Variants in PHACTR3 observed in about 807,000 individuals in gnomAD.
The protein encoded by PHACTR3 is phosphatase and actin regulator 3, also known as protein phosphatase 1, regulatory subunit 123.
PHACTR3 carries 16 observed loss-of-function variants against 66.8 expected under a neutral mutation model. That is an observed-to-expected ratio of 0.24 (90% CI 0.16 to 0.36). The LOEUF is 0.36. PHACTR3 is among the 10% of genes least tolerant of loss of function. The probability of loss-of-function intolerance (pLI) is 1.00; values close to 1 mark genes in which losing one functional copy is unlikely to be tolerated. For missense variants in PHACTR3, 647 were observed against 719.9 expected (o/e 0.90, Z 1.16); for synonymous variants, 323 against 292.1 (o/e 1.11, Z -1.08).
intron 4 of PHACTR3, among the ~76,000 whole-genome samples, chr20:59,756,796 A>G (rs189668013): frequency 2.4e-4 from 36 of 152,012 alleles, no homozygotes; most frequent in African/African-American, 7.7e-4. Flanking sequence ...TACATTAGGT[A>G]TATCTCCTAA....
At chr20:59,648,414 G>T (rs1235017451) in intron 1 of PHACTR3, among the ~76,000 whole-genome samples, 8 of 152,218 alleles carry the variant, frequency 5.3e-5, no homozygotes, top group African/African-American at 1.4e-4. Flanking sequence ...CAAGGGGTAG[G>T]TCCCTTGAGG....
intron 1 of PHACTR3, among the ~76,000 whole-genome samples, chr20:59,653,169 C>A (rs2035511627): frequency 6.6e-6 from 1 of 151,546 alleles, no homozygotes; most frequent in South Asian, 2.1e-4. Flanking sequence ...AAGTTGGTAG[C>A]TTAACCCGAG....
At chr20:59,838,279 C>T (rs1223120117) in intron 9 of PHACTR3, among the ~76,000 whole-genome samples, 1 of 152,152 alleles carries the variant, frequency 6.6e-6, no homozygotes, top group Admixed American at 6.5e-5. Flanking sequence ...TAGTATGAAA[C>T]ATCATACTCA....
intron 1 of PHACTR3, among the ~76,000 whole-genome samples, chr20:59,638,488 G>A (rs776317712): frequency 1.1e-4 from 15 of 142,592 alleles, no homozygotes; most frequent in Non-Finnish European, 1.8e-4. Context: ...ATGGATGGAT[G>A]GATGGATAGA....
intron 8 of PHACTR3, among the ~76,000 whole-genome samples, chr20:59,832,123 G>A (rs79617782): frequency 0.095 from 14,432 of 152,134 alleles, 907 homozygotes; most frequent in Non-Finnish European, 0.14. Context: ...TGGTGTTGCC[G>A]GTGTTCCTCC....
intron 1 of PHACTR3, among the ~76,000 whole-genome samples, chr20:59,676,163 G>T (rs1238000483): frequency 6.6e-6 from 1 of 152,244 alleles, no homozygotes; most frequent in Non-Finnish European, 1.5e-5. Context: ...TAGGGAAGGA[G>T]AAGAGAGGGC....
At chr20:59,712,365 A>G (rs1462121815) in intron 1 of PHACTR3, among the ~76,000 whole-genome samples, 1 of 152,124 alleles carries the variant, frequency 6.6e-6, no homozygotes, top group Non-Finnish European at 1.5e-5. Context: ...ATGTAGATGC[A>G]CCCCATGATC....
At chr20:59,845,478 A>G (rs975152658) in intron 12 of PHACTR3, among the ~76,000 whole-genome samples, 15 of 152,148 alleles carry the variant, frequency 9.9e-5, no homozygotes, top group Non-Finnish European at 1.8e-4. Context: ...TATGGTAACA[A>G]TATCGGTTTA....
chr20:59,644,363 A>C (rs2146432599), intron 1 of PHACTR3, among the ~76,000 whole-genome samples: 1 of 152,358 alleles, frequency 6.6e-6, no homozygotes, highest in South Asian at 2.1e-4. Context: ...AACAGATATA[A>C]AAAGATATAA....
chr20:59,673,447 C>T (rs1357082274), intron 1 of PHACTR3, among the ~76,000 whole-genome samples: 2 of 152,240 alleles, frequency 1.3e-5, no homozygotes, highest in Non-Finnish European at 2.9e-5. Context: ...GTCTGCGGTT[C>T]GCCCCGCCCA....
chr20:59,609,183 G>A (rs1600906608), intron 1 of PHACTR3, among the ~76,000 whole-genome samples: 1 of 152,150 alleles, frequency 6.6e-6, no homozygotes, highest in Admixed American at 6.5e-5. Context: ...CCTGGAGAGG[G>A]AGACCCTCTC....
At chr20:59,647,298 G>C (rs989386980) in intron 1 of PHACTR3, among the ~76,000 whole-genome samples, 1 of 152,134 alleles carries the variant, frequency 6.6e-6, no homozygotes, top group Non-Finnish European at 1.5e-5. Flanking sequence ...CAGTAGGGGG[G>C]AACCACCCAC....
At chr20:59,709,689 A>G (rs994695653) in intron 1 of PHACTR3, among the ~76,000 whole-genome samples, 5 of 152,226 alleles carry the variant, frequency 3.3e-5, no homozygotes, top group African/African-American at 9.6e-5. Context: ...TGTCCTTAGT[A>G]TGTTTTAGGA....
chr20:59,621,892 C>A (rs2034253037), intron 1 of PHACTR3, among the ~76,000 whole-genome samples: 1 of 152,222 alleles, frequency 6.6e-6, no homozygotes, highest in African/African-American at 2.4e-5. Flanking sequence ...TTCCCAGAGA[C>A]AAGAGGCAGC....
intron 3 of PHACTR3, among the ~76,000 whole-genome samples, chr20:59,751,952 T>C (rs1260343507): frequency 6.6e-6 from 1 of 152,140 alleles, no homozygotes; most frequent in East Asian, 1.9e-4. Context: ...CTAGACACTG[T>C]TTATGTTCTG....
chr20:59,627,400 G>T (rs1056249482), intron 1 of PHACTR3, among the ~76,000 whole-genome samples: 1 of 152,200 alleles, frequency 6.6e-6, no homozygotes, highest in African/African-American at 2.4e-5. Flanking sequence ...GTGTGAGAGG[G>T]ATCAGATGGC....
chr20:59,689,768 C>T lies in PHACTR3; in HGVS notation c.119-53339C>T, dbSNP rs529308411. ...CTGAAGCCAGAAACCTGGGCATTCA[C>T]CTGCCCTTTCCATTTTCCTCCTCAT... On this transcript the variant is annotated intron_variant, in intron 1 of 12. Transcript: ENST00000371015. Among the ~76,000 whole-genome samples, 5 of 152,296 alleles carry T rather than the reference C, an allele frequency of 3.3e-5. No individual in the cohort carries two copies. The East Asian group carries it at 9.7e-4, about 29-fold the overall frequency.
intron 4 of PHACTR3, among the ~76,000 whole-genome samples, chr20:59,759,496 G>A (rs972366487): frequency 6.6e-6 from 1 of 151,958 alleles, no homozygotes; most frequent in East Asian, 1.9e-4. Flanking sequence ...CCCTGTAGAT[G>A]GGTGTTGGAG....
chr20:59,759,384 C>T (rs1242478035), intron 4 of PHACTR3, among the ~76,000 whole-genome samples: 2 of 152,206 alleles, frequency 1.3e-5, no homozygotes, highest in Non-Finnish European at 2.9e-5. Flanking sequence ...CAGGAGTGTT[C>T]ACAGAAATCC....
Sources: gnomAD v4.1 joint callset for allele counts (sites outside exome capture counted in the v4.1 genomes callset) on GRCh38, gnomAD v4.1.1 for gene constraint, MANE v1.5 for transcripts, NCBI Gene and HGNC (gene_info 2026-07-23, HGNC 2026-07-21) for gene names.